Variants in SPATA6L observed in about 807,000 individuals in gnomAD.
SPATA6L encodes the protein spermatogenesis associated 6 like.
A neutral mutation model predicts 49.2 loss-of-function variants in SPATA6L; 68 were observed. That is an observed-to-expected ratio of 1.38 (90% CI 1.14 to 1.69). The LOEUF is 1.69. SPATA6L is among the 40% of genes most tolerant of loss of function. The probability of loss-of-function intolerance (pLI) is 0.00; values close to 1 mark genes in which losing one functional copy is unlikely to be tolerated. For missense variants in SPATA6L, 668 were observed against 464.3 expected (o/e 1.44, Z -4.03); for synonymous variants, 198 against 165.7 (o/e 1.19, Z -1.50).
intron 1 of SPATA6L, chr9:4,663,005 C>T (rs946628870): frequency 5.0e-6 from 8 of 1,611,588 alleles, no homozygotes; most frequent in Non-Finnish European, 6.8e-6. Flanking sequence ...AGTACTCCTT[C>T]CCCTCGGGCC....
chr9:4,615,396 C>T (rs998176734), intron 9 of SPATA6L, among the ~76,000 whole-genome samples: 2 of 152,206 alleles, frequency 1.3e-5, no homozygotes, highest in African/African-American at 4.8e-5. Flanking sequence ...GTCTTAACCA[C>T]AGATTTAACG....
chr9:4,651,730 G>C (rs1836911039), intron 3 of SPATA6L, among the ~76,000 whole-genome samples: 1 of 152,128 alleles, frequency 6.6e-6, no homozygotes, highest in African/African-American at 2.4e-5. Flanking sequence ...ATGTAGAAAA[G>C]GCGTGTGATA....
chr9:4,614,575 A>AT (rs937558297), intron 9 of SPATA6L, among the ~76,000 whole-genome samples: 1 of 152,194 alleles, frequency 6.6e-6, no homozygotes, highest in African/African-American at 2.4e-5. Context: ...TGAAGGGCAC[A>AT]TCCCTCATTC....
chr9:4,605,584 ATGTC>A (rs1824592430), intron 9 of SPATA6L, 144 bp from the exon 10 acceptor site: 1 of 598,134 alleles, frequency 1.7e-6, no homozygotes, highest in South Asian at 2.3e-5. Flanking sequence ...TGTGATTTCA[ATGTC>A]TTTCTTAAAC....
At chr9:4,653,188 A>T (rs1026318784) in intron 3 of SPATA6L, among the ~76,000 whole-genome samples, 1 of 152,206 alleles carries the variant, frequency 6.6e-6, no homozygotes, top group Non-Finnish European at 1.5e-5. Context: ...TAGAACTGAG[A>T]CCCTAAAAGT....
chr9:4,602,557 C>A (rs891580747), intron 11 of SPATA6L, among the ~76,000 whole-genome samples: 17 of 152,194 alleles, frequency 1.1e-4, no homozygotes, highest in Admixed American at 1.0e-3. Flanking sequence ...AGCAGGTCAT[C>A]CCACACTCCT....
At chr9:4,664,380 C>T (rs904116778) in intron 1 of SPATA6L, 1 of 166,994 alleles carries the variant, frequency 6.0e-6, no homozygotes, top group African/African-American at 2.4e-5. Context: ...TTCTGAGGTA[C>T]AGCACATTTT....
intron 3 of SPATA6L, among the ~76,000 whole-genome samples, chr9:4,651,027 G>C (rs528996550): frequency 6.6e-6 from 1 of 152,018 alleles, no homozygotes; most frequent in African/African-American, 2.4e-5. Flanking sequence ...TTTTAAGACA[G>C]AGTCCTGCTC....
At chr9:4,595,377 C>A (rs923473778), downstream of SPATA6L, among the ~76,000 whole-genome samples, 1 of 152,144 alleles carries the variant, frequency 6.6e-6, no homozygotes, top group African/African-American at 2.4e-5. Context: ...AATTTTCAGA[C>A]TTCTTCAAAG....
At chr9:4,603,488 T>C (rs190852746) in intron 11 of SPATA6L, among the ~76,000 whole-genome samples, 24 of 152,240 alleles carry the variant, frequency 1.6e-4, no homozygotes, top group Non-Finnish European at 3.1e-4. Flanking sequence ...GAGGGTCAGG[T>C]GATACAGAGA....
At chr9:4,643,115 C>A (rs970714374) in intron 3 of SPATA6L, among the ~76,000 whole-genome samples, 3 of 152,284 alleles carry the variant, frequency 2.0e-5, no homozygotes, top group Non-Finnish European at 4.4e-5. Flanking sequence ...TCAAGCAGTT[C>A]TCCTGTCTCA....
Position 4,623,669 on chromosome 9 carries a change from C to A in SPATA6L, c.670-1159G>T, listed in dbSNP as rs191973544. 1.4e-3 allele frequency among the ~76,000 whole-genome samples: 219 copies of A among 152,124 alleles called. 3 individuals carry two copies. Among genetic ancestry groups the A allele is most frequent in the Non-Finnish European group, 5.9e-4 (40 of 67,978 alleles). On this transcript the variant is annotated intron_variant, in intron 6 of 11. Transcript: ENST00000682582. The stretch of plus-strand genomic sequence containing the variant: ...AAATCACTGATAAAAGACTTTGGCA[C>A]ATAGGAAAAGCTGTATAAGAATTTG...
intron 3 of SPATA6L, among the ~76,000 whole-genome samples, chr9:4,638,748 T>G (rs564806790): frequency 6.6e-6 from 1 of 152,198 alleles, no homozygotes; most frequent in East Asian, 1.9e-4. Context: ...CTCCTGAAGC[T>G]TATAGTGTTA....
chr9:4,592,314 CAAAAA>C (rs35362659), intron 13 of SPATA6L, among the ~76,000 whole-genome samples: 1 of 114,172 alleles, frequency 8.8e-6, no homozygotes. Flanking sequence ...GACTCCATCT[CAAAAA>C]AAAAAAAAAA....
At chr9:4,634,299 C>T (rs906389773) in intron 4 of SPATA6L, among the ~76,000 whole-genome samples, 118 of 152,210 alleles carry the variant, frequency 7.8e-4, no homozygotes, top group Admixed American at 3.3e-4. Context: ...AAGCTTCTCA[C>T]ATGTACCATG....
At chr9:4,613,012 G>A (rs1587043222) in intron 9 of SPATA6L, among the ~76,000 whole-genome samples, 1 of 152,110 alleles carries the variant, frequency 6.6e-6, no homozygotes, top group African/African-American at 2.4e-5. Flanking sequence ...CGGATCTCTT[G>A]AGGCCAAGAG....
intron 9 of SPATA6L, among the ~76,000 whole-genome samples, chr9:4,609,942 G>A (rs1587007408): frequency 2.0e-5 from 3 of 152,092 alleles, no homozygotes; most frequent in South Asian, 4.2e-4. Flanking sequence ...AGCAACTTCA[G>A]CAAAGTCTCA....
intron 13 of SPATA6L, among the ~76,000 whole-genome samples, chr9:4,591,041 G>C (rs1435132936): frequency 6.6e-6 from 1 of 152,126 alleles, no homozygotes; most frequent in Non-Finnish European, 1.5e-5. Flanking sequence ...GGTGTGAGGA[G>C]TCTGGAGATC....
In SPATA6L at chr9:4,598,372, C is replaced by A. The variant is rs1213087641; in HGVS notation, c.*2439G>T. Among the ~76,000 whole-genome samples, 1 of 152,190 alleles carries A rather than the reference C, an allele frequency of 6.6e-6. No homozygotes were observed. The highest frequency in any genetic ancestry group is 1.5e-5 in the Non-Finnish European group (1 of 68,036). ...TCCCAAAGTAATCCAAACCCCAAAA[C>A]ATCACAAAATTATTCATACTATTAT... On this transcript the variant is annotated 3_prime_UTR_variant, in exon 12 of 12. Transcript: ENST00000682582.
Sources: allele counts gnomAD v4.1 joint callset (sites outside exome capture counted in the v4.1 genomes callset), GRCh38; gene constraint gnomAD v4.1.1; transcripts MANE v1.5; gene names NCBI Gene and HGNC (gene_info 2026-07-23, HGNC 2026-07-21).